Variants in TBL1X observed in about 807,000 individuals in gnomAD.
TBL1X encodes the protein transducin beta like 1 X-linked.
A neutral mutation model predicts 50.7 loss-of-function variants in TBL1X; 10 were observed. The ratio of observed to expected loss-of-function variants is 0.20; its 90% confidence interval spans 0.12 to 0.33. The LOEUF (loss-of-function observed/expected upper bound fraction) is 0.33. Ranked by LOEUF, TBL1X falls within the 10% of genes least tolerant of loss-of-function variation. The probability of loss-of-function intolerance (pLI) is 1.00; values close to 1 mark genes in which losing one functional copy is unlikely to be tolerated. For synonymous variants in TBL1X, 190 were observed against 214.7 expected, an observed-to-expected ratio of 0.88 and a Z score of 1.01; for missense variants, 340 against 504.4, an observed-to-expected ratio of 0.67 and a Z score of 3.12.
At chrX:9,664,049 C>T (rs771138510) in intron 5 of TBL1X, among the ~76,000 whole-genome samples, 2 of 111,651 alleles carry the variant, frequency 1.8e-5, no homozygotes. Context: ...GAAAGGATGA[C>T]GATAGTTTGT....
rs148119714 is a variant in TBL1X at position 9,695,277 on chromosome X, C to T, written c.1053+1858C>T. The stretch of plus-strand genomic sequence containing the variant: ...CCTGGCCCTTCACAGAAAAAGTTTG[C>T]GGACTCTTGCACTAGGGTATAACTA... On this transcript the variant is annotated intron_variant, in intron 11 of 17. Transcript: ENST00000645353. Among the ~76,000 whole-genome samples the T allele has an allele frequency of 2.8e-3, 318 of 112,058 alleles. 3 individuals are homozygous for T. The highest frequency in any genetic ancestry group is 7.1e-3 in the African/African-American group (219 of 30,862).
At chrX:9,613,985 CAAAAAAAAAAAA>C (rs34481376) in intron 2 of TBL1X, among the ~76,000 whole-genome samples, 25 of 50,250 alleles carry the variant, frequency 5.0e-4, no homozygotes, top group Non-Finnish European at 7.8e-4. Flanking sequence ...GACTCCATCT[CAAAAAAAAAAAA>C]AAAAAAGAAA....
Position 9,706,025 on chromosome X carries a change from G to C in TBL1X, c.1236+911G>C, listed in dbSNP as rs149478810. 7.6e-3 allele frequency among the ~76,000 whole-genome samples: 837 copies of C among 109,795 alleles called. 5 individuals are homozygous for C. Among genetic ancestry groups the C allele is most frequent in the African/African-American group, 0.027 (805 of 30,121 alleles). ...AGCAGGGGCAAGAGGTGGGAGGAGT[G>C]GGGGGGGTGTCACATACTTTTAAAG... On this transcript the variant is annotated intron_variant, in intron 13 of 17. Transcript: ENST00000645353.
chrX:9,531,588 A>G (rs2082162130), intron 2 of TBL1X, among the ~76,000 whole-genome samples: 1 of 110,968 alleles, frequency 9.0e-6, no homozygotes, highest in African/African-American at 3.3e-5. Context: ...ACACAAATAA[A>G]AAGCATCTCC....
At chrX:9,569,168 C>T (rs1251531903) in intron 2 of TBL1X, among the ~76,000 whole-genome samples, 2 of 97,517 alleles carry the variant, frequency 2.1e-5, no homozygotes, top group African/African-American at 8.0e-5. Context: ...GTGTGGTATG[C>T]TATGTGTGTT....
chrX:9,479,759 C>T (rs987187245), intron 1 of TBL1X, among the ~76,000 whole-genome samples: 5 of 111,471 alleles, frequency 4.5e-5, no homozygotes, highest in East Asian at 2.8e-4. Context: ...TGGAGTTAGC[C>T]GGCTCCCCTG....
chrX:9,473,043 T>C (rs1009310872), intron 1 of TBL1X, among the ~76,000 whole-genome samples: 1 of 111,987 alleles, frequency 8.9e-6, no homozygotes, highest in Non-Finnish European at 1.9e-5. Context: ...TAGTTGTCAC[T>C]GTTACCTTGT....
chrX:9,618,173 A>G (rs745399719), intron 2 of TBL1X, among the ~76,000 whole-genome samples: 23 of 111,622 alleles, frequency 2.1e-4, no homozygotes, highest in African/African-American at 7.5e-4. Flanking sequence ...TCTGACATGT[A>G]AAGACACCAC....
intron 5 of TBL1X, among the ~76,000 whole-genome samples, chrX:9,665,376 T>A (rs1354266562): frequency 4.0e-5 from 4 of 99,392 alleles, no homozygotes; most frequent in Admixed American, 1.2e-4. Flanking sequence ...GAAGAAATTA[T>A]GACAGTGAGA....
In TBL1X at chrX:9,653,402, G is replaced by A. The variant is rs1185935075; in HGVS notation, c.-42-143G>A. 6 of 431,050 alleles carry A rather than the reference G, an allele frequency of 1.4e-5. No individual in the cohort carries two copies. In the East Asian group the frequency reaches 2.0e-4, roughly 14 times the overall value. The allele number at this position is 431,050 out of a possible 1,213,427, so 35.5% of individuals were successfully genotyped here. A position where few individuals can be genotyped will look rare whatever the true frequency, so the allele number is the denominator to read the frequency against. On this transcript the variant is annotated intron_variant, in intron 3 of 17. Coordinates refer to ENST00000645353, the MANE Select transcript of TBL1X (RefSeq NM_005647.4). The stretch of plus-strand genomic sequence containing the variant: ...CTGTCTCACACAGAAGCCCCTGAAC[G>A]TTTTCCTGCCCATCCTCCCTCCCCA...
At chrX:9,485,885 G>A (rs941732569) in intron 1 of TBL1X, among the ~76,000 whole-genome samples, 1 of 111,798 alleles carries the variant, frequency 8.9e-6, no homozygotes, top group Non-Finnish European at 1.9e-5. Context: ...AGATGTGTAT[G>A]ATCAATGTAT....
chrX:9,685,717 CTTTTTTTTTTT>C (rs752837096), intron 6 of TBL1X, among the ~76,000 whole-genome samples: 3 of 59,651 alleles, frequency 5.0e-5, no homozygotes, highest in African/African-American at 1.4e-4. Flanking sequence ...CTTTTCTTTT[CTTTTTTTTTTT>C]TTTTTTTTTT....
chrX:9,693,334 G>C lies in TBL1X; in HGVS notation c.968G>C (p.Ser323Thr). 1 of 1,211,248 alleles carries C rather than the reference G, an allele frequency of 8.3e-7. No individual in the cohort carries two copies. The highest frequency in any genetic ancestry group is 1.1e-6 in the Non-Finnish European group (1 of 895,130). Residue 323 changes from serine to threonine, a missense_variant, in exon 11 of 18, where the codon AGC becomes ACC. Around this residue, in one of 6 missense-constraint regions of TBL1X, gnomAD observed 170 missense variants for 272.6 expected, o/e 0.62. Coordinates refer to ENST00000645353, the MANE Select transcript of TBL1X (RefSeq NM_005647.4). The part of the protein sequence containing the change: ...RIWTEDGNLA[S>T]TLGQHKGPIF... Reference sequence around the variant, plus strand: ...TTTTTACTAACAGGTAACCTGGCCAGCACCTTAGGCCAACATAAAGGCCCC... The same window carrying C: ...TTTTTACTAACAGGTAACCTGGCCACCACCTTAGGCCAACATAAAGGCCCC...
At chrX:9,671,474 C>T (rs1306352189) in intron 5 of TBL1X, among the ~76,000 whole-genome samples, 1 of 113,281 alleles carries the variant, frequency 8.8e-6, no homozygotes, top group Non-Finnish European at 1.9e-5. Flanking sequence ...CCACTTCAGG[C>T]CCAGGCCACA....
chrX:9,524,401 C>G (rs1601732138), intron 2 of TBL1X, among the ~76,000 whole-genome samples: 1 of 112,254 alleles, frequency 8.9e-6, no homozygotes, highest in Non-Finnish European at 1.9e-5. Context: ...TTCCCCATTC[C>G]CAGCCCCAGC....
chrX:9,523,863 A>G (rs1247152631), intron 2 of TBL1X, among the ~76,000 whole-genome samples: 4 of 110,820 alleles, frequency 3.6e-5, no homozygotes, highest in Admixed American at 9.6e-5. Context: ...TAAAAGTGCA[A>G]TTGTCAAAAT....
At chrX:9,696,011 C>T (rs2083129410) in intron 11 of TBL1X, among the ~76,000 whole-genome samples, 1 of 112,219 alleles carries the variant, frequency 8.9e-6, no homozygotes, top group African/African-American at 3.2e-5. Context: ...GTACATAACA[C>T]TCAGGGAGAA....
At position 9,717,647 on chromosome X, in the gene TBL1X, T is replaced by G. The variant is rs761954791; in HGVS notation, c.*1401T>G. ...AAGCCGTCGAAACCGACTGCTCGGC[T>G]GGATTAGGCGTGTTGGCTACATCTT... is the stretch of plus-strand genomic sequence containing the variant. On this transcript the variant is annotated 3_prime_UTR_variant, in exon 18 of 18. Transcript: ENST00000645353. The G allele has an allele frequency of 8.8e-6, 1 of 113,011 alleles. No homozygotes were observed. Among genetic ancestry groups the G allele is most frequent in the African/African-American group, 3.2e-5 (1 of 31,153 alleles). The allele number at this position is 113,011 out of a possible 1,213,427, so 9.3% of individuals were successfully genotyped here.
At chrX:9,713,752 A>G (rs1325249461) in intron 16 of TBL1X, among the ~76,000 whole-genome samples, 2 of 110,784 alleles carry the variant, frequency 1.8e-5, no homozygotes, top group Non-Finnish European at 3.8e-5. Context: ...AATTTTCTTA[A>G]GAGAAATCTT....
Sources: allele counts gnomAD v4.1 joint callset (sites outside exome capture counted in the v4.1 genomes callset), GRCh38; gene constraint gnomAD v4.1.1; regional missense constraint gnomAD v4.1.1; transcripts MANE v1.5; gene names NCBI Gene and HGNC (gene_info 2026-07-23, HGNC 2026-07-21).